The following SLC27A6 variants were observed in gnomAD, a reference collection of about 807,000 sequenced individuals.
The protein encoded by SLC27A6 is long-chain fatty acid transport protein 6.
In SLC27A6, 74 loss-of-function variants were observed where a neutral mutation model predicts 63.9. The ratio of observed to expected loss-of-function variants is 1.16; its 90% CI spans 0.96 to 1.40. The LOEUF (loss-of-function observed/expected upper bound fraction) is 1.40, where lower values mean the gene tolerates loss of function less well. SLC27A6 is among the 40% of genes most tolerant of loss of function. SLC27A6 has a pLI of 0.00. For missense variants in SLC27A6, 794 were observed against 732.9 expected, an observed-to-expected ratio of 1.08 and a Z score of -0.96; for synonymous variants, 287 against 260.8, an observed-to-expected ratio of 1.10 and a Z score of -0.97.
chr5:128,971,863 G>C (rs1750178466), intron 1 of SLC27A6, among the ~76,000 whole-genome samples: 1 of 152,116 alleles, frequency 6.6e-6, no homozygotes, highest in Admixed American at 6.5e-5. Context: ...AGCGTCGATG[G>C]TCTTTACAAT....
In SLC27A6 at chr5:129,028,377, T is replaced by C. The variant is rs1320660538; in HGVS notation, c.1487T>C (p.Val496Ala). The change falls in exon 8 of 10, where the codon GTT (valine) becomes GCT (alanine). Residue 496 changes from valine (V) to alanine (A), a missense_variant. Transcript: ENST00000262462. ...GGAGAAAATGTCGCAACCACTGAGG[T>C]TGCTGATGTTATTGGAATGTTGGAT... ...WKGENVATTE[V>A]ADVIGMLDFI... is the part of the protein sequence containing the mutation. 1 of 1,611,058 alleles carries C rather than the reference T, an allele frequency of 6.2e-7. No individual in the cohort carries two copies. Among genetic ancestry groups the C allele is most frequent in the East Asian group, 2.2e-5 (1 of 44,794 alleles).
At chr5:129,012,748 A>G (rs1751764750) in intron 4 of SLC27A6, among the ~76,000 whole-genome samples, 1 of 152,098 alleles carries the variant, frequency 6.6e-6, no homozygotes, top group African/African-American at 2.4e-5. Context: ...ATATTAGTAT[A>G]GTTATACTAG....
intron 4 of SLC27A6, 65 bp downstream of exon 4, chr5:128,990,529 A>T: frequency 6.8e-7 from 1 of 1,469,232 alleles, no homozygotes; most frequent in Non-Finnish European, 9.2e-7. Context: ...AGAAAAGGTT[A>T]TTTTTATTTC....
At position 129,027,305 on chromosome 5, in the gene SLC27A6, T is replaced by A; in HGVS notation, c.1428T>A (p.Phe476Leu). 6.2e-7 allele frequency: 1 copy of A among 1,612,756 alleles called. No individual in the cohort carries two copies. The highest frequency in any genetic ancestry group is 1.7e-5 in the Admixed American group (1 of 59,976). Residue 476 changes from phenylalanine to leucine, a missense_variant, in exon 7 of 10, where the codon TTT (phenylalanine) becomes TTA (leucine). By Grantham distance (22) the Phe-to-Leu change is conservative. Coordinates refer to ENST00000262462, the MANE Select transcript of SLC27A6 (RefSeq NM_001017372.3). ...IVQDQDNFLY[F>L]WDRTGDTFRW... is the part of the protein sequence containing the mutation. ...AGGATCAGGACAATTTCCTTTATTT[T>A]TGGGACCGTACTGGAGACACTTTCA...
At chr5:129,017,801 G>C (rs750305080) in intron 5 of SLC27A6, among the ~76,000 whole-genome samples, 4 of 152,030 alleles carry the variant, frequency 2.6e-5, no homozygotes, top group Non-Finnish European at 5.9e-5. Flanking sequence ...ATTGACTCAA[G>C]AATTATTTTA....
chr5:129,028,584 C>T, intron 8 of SLC27A6, 142 bp downstream of exon 8: 1 of 549,960 alleles, frequency 1.8e-6, no homozygotes, highest in Non-Finnish European at 3.1e-6. Flanking sequence ...GCAAGTAATG[C>T]CCCTTGACCA....
intron 1 of SLC27A6, among the ~76,000 whole-genome samples, chr5:128,976,307 G>A (rs979133530): frequency 9.2e-5 from 14 of 152,082 alleles, no homozygotes; most frequent in South Asian, 4.1e-4. Context: ...TCAGGAGTTC[G>A]AGACCAGTCT....
chr5:129,027,624 CAGAA>C (rs1158095415), intron 7 of SLC27A6, among the ~76,000 whole-genome samples: 1 of 152,044 alleles, frequency 6.6e-6, no homozygotes, highest in Non-Finnish European at 1.5e-5. Flanking sequence ...AGGGTTAAAA[CAGAA>C]AGCCAGTTTG....
At chr5:129,008,865 ATTTT>A (rs777633985) in intron 4 of SLC27A6, among the ~76,000 whole-genome samples, 6 of 122,834 alleles carry the variant, frequency 4.9e-5, no homozygotes, top group Admixed American at 1.7e-4. Context: ...TTTTCAATTG[ATTTT>A]TTTTTTTTTT....
chr5:128,975,179 C>T (rs1211692374), intron 1 of SLC27A6, among the ~76,000 whole-genome samples: 5 of 152,060 alleles, frequency 3.3e-5, no homozygotes, highest in African/African-American at 1.2e-4. Flanking sequence ...GGCAAAACCC[C>T]GTCTCTACTA....
chr5:128,990,090 T>C (rs1324782774), intron 3 of SLC27A6, among the ~76,000 whole-genome samples: 1 of 152,256 alleles, frequency 6.6e-6, no homozygotes, highest in African/African-American at 2.4e-5. Context: ...TTATTTTGAC[T>C]GTTGCTTTTC....
At chr5:128,969,975 G>A (rs149651657) in intron 1 of SLC27A6, among the ~76,000 whole-genome samples, 18 of 151,904 alleles carry the variant, frequency 1.2e-4, no homozygotes, top group African/African-American at 4.1e-4. Context: ...TAGCATGAAG[G>A]GCTGTTGAAT....
At chr5:129,012,775 G>A (rs1751765837) in intron 4 of SLC27A6, among the ~76,000 whole-genome samples, 1 of 151,996 alleles carries the variant, frequency 6.6e-6, no homozygotes, top group South Asian at 2.1e-4. Context: ...CTTGGGTGAT[G>A]ATTGTATGGC....
chr5:129,010,440 A>C (rs1751691820), intron 4 of SLC27A6, among the ~76,000 whole-genome samples: 1 of 152,216 alleles, frequency 6.6e-6, no homozygotes, highest in Non-Finnish European at 1.5e-5. Context: ...TAAAATAGGA[A>C]GATTATCCTG....
intron 5 of SLC27A6, among the ~76,000 whole-genome samples, chr5:129,022,259 A>G (rs1561631840): frequency 6.6e-6 from 1 of 152,210 alleles, no homozygotes; most frequent in Non-Finnish European, 1.5e-5. Context: ...ATTAATTTCT[A>G]CATCATAGGA....
At chr5:128,971,616 C>A (rs34745544) in intron 1 of SLC27A6, among the ~76,000 whole-genome samples, 36,355 of 150,520 alleles carry the variant, frequency 0.24, 4,928 homozygotes, top group Middle Eastern at 0.34. Flanking sequence ...TTTGGTTGGT[C>A]GGTCTTCCTG....
Position 128,985,332 on chromosome 5 carries a change from A to G in SLC27A6, c.681A>G (p.Thr227=). 1 of 1,613,366 alleles carries G rather than the reference A, an allele frequency of 6.2e-7. No individual in the cohort carries two copies. The highest frequency in any genetic ancestry group is 8.5e-7 in the Non-Finnish European group (1 of 1,179,346). The stretch of plus-strand genomic sequence containing the variant: ...GTCTTTACATTTTTACCTCTGGAAC[A>G]ACAGGTATGATCCAATTCTTTTGAA... ...STCLYIFTSG[T]TGLPKAAVIS... The change falls in exon 2 of 10, where the codon ACA becomes ACG. Residue 227 remains threonine, a synonymous_variant. Coordinates refer to ENST00000262462, the MANE Select transcript of SLC27A6 (RefSeq NM_001017372.3).
intron 1 of SLC27A6, among the ~76,000 whole-genome samples, chr5:128,977,059 C>T (rs963537110): frequency 6.6e-6 from 1 of 152,194 alleles, no homozygotes; most frequent in Non-Finnish European, 1.5e-5. Flanking sequence ...CCAACCATAT[C>T]ACCACCCTCA....
At chr5:128,970,052 A>G (rs1196292028) in intron 1 of SLC27A6, among the ~76,000 whole-genome samples, 1 of 151,338 alleles carries the variant, frequency 6.6e-6, no homozygotes, top group Non-Finnish European at 1.5e-5. Flanking sequence ...TTCTGTTTAT[A>G]TGCTGGATTA....
Sources: gnomAD v4.1 joint callset for allele counts (sites outside exome capture counted in the v4.1 genomes callset) on GRCh38, gnomAD v4.1.1 for gene constraint, MANE v1.5 for transcripts, NCBI Gene and HGNC (gene_info 2026-07-23, HGNC 2026-07-21) for gene names.